The following FEZ1 variants were observed in gnomAD, a reference collection of about 807,000 sequenced individuals.
FEZ1 encodes fasciculation and elongation protein zeta 1.
A neutral mutation model predicts 49.3 loss-of-function variants in FEZ1; 20 were observed. The observed-to-expected ratio is 0.41, with a 90% CI of 0.29 to 0.59. The LOEUF is 0.59. Among genes scored for constraint, FEZ1 ranks in the 20% least tolerant of loss-of-function variants. The pLI, the probability that FEZ1 is intolerant of heterozygous loss-of-function variation, is 0.36. For synonymous variants in FEZ1, 170 were observed against 180.9 expected (o/e 0.94, Z 0.48); for missense variants, 413 against 476.0 (o/e 0.87, Z 1.23).
intron 3 of FEZ1, among the ~76,000 whole-genome samples, chr11:125,465,661 G>C (rs1045936695): frequency 2.0e-5 from 3 of 152,186 alleles, no homozygotes; most frequent in African/African-American, 7.2e-5. Flanking sequence ...TAAAAGGAGA[G>C]GCAGACATAA....
chr11:125,486,738 C>A (rs557763563), intron 2 of FEZ1, among the ~76,000 whole-genome samples: 1 of 152,296 alleles, frequency 6.6e-6, no homozygotes, highest in African/African-American at 2.4e-5. Flanking sequence ...AAATACTAAA[C>A]CGGAACAAGT....
chr11:125,484,507 T>G (rs1156469705), intron 2 of FEZ1, among the ~76,000 whole-genome samples: 4 of 152,068 alleles, frequency 2.6e-5, no homozygotes, highest in Admixed American at 2.6e-4. Context: ...AGAAACTGGC[T>G]CTGCGTGAAA....
At chr11:125,490,968 G>C (rs11220090) in intron 1 of FEZ1, among the ~76,000 whole-genome samples, 1,826 of 152,186 alleles carry the variant, frequency 0.012, 34 homozygotes, top group African/African-American at 0.032. Flanking sequence ...TGGCCAGGCT[G>C]GTCTCGAACT....
intron 1 of FEZ1, among the ~76,000 whole-genome samples, chr11:125,491,403 G>A (rs1408937138): frequency 6.6e-6 from 1 of 152,150 alleles, no homozygotes; most frequent in Non-Finnish European, 1.5e-5. Flanking sequence ...AATATACACT[G>A]CCTACCCTGT....
At chr11:125,454,305 G>A (rs1256514789) in intron 6 of FEZ1, 95 bp from the exon 7 acceptor site, 53 of 848,504 alleles carry the variant, frequency 6.2e-5, no homozygotes, top group Non-Finnish European at 9.6e-5. Context: ...CCCAGATAAC[G>A]CCCCAGGGTT....
At chr11:125,488,785 A>G (rs888399875) in intron 2 of FEZ1, 2 of 985,280 alleles carry the variant, frequency 2.0e-6, no homozygotes, top group African/African-American at 3.5e-5. Flanking sequence ...TAATTTGTGT[A>G]ACATATCACC....
chr11:125,469,699 G>A (rs919497772), intron 3 of FEZ1, among the ~76,000 whole-genome samples: 2 of 151,440 alleles, frequency 1.3e-5, no homozygotes, highest in Admixed American at 1.3e-4. Flanking sequence ...AAGTAGCTGG[G>A]ACTACAGGTG....
intron 3 of FEZ1, among the ~76,000 whole-genome samples, chr11:125,475,532 A>G (rs1957223296): frequency 6.6e-6 from 1 of 152,132 alleles, no homozygotes; most frequent in South Asian, 2.1e-4. Flanking sequence ...GAGTTAAATG[A>G]TGAGAACAAA....
At chr11:125,473,891 T>C (rs1245106420) in intron 3 of FEZ1, among the ~76,000 whole-genome samples, 2 of 150,422 alleles carry the variant, frequency 1.3e-5, no homozygotes, top group Admixed American at 1.3e-4. Flanking sequence ...GCTAAAATTA[T>C]AAAACTTCTA....
intron 3 of FEZ1, among the ~76,000 whole-genome samples, chr11:125,478,346 G>A (rs1334779264): frequency 1.3e-5 from 2 of 152,180 alleles, no homozygotes; most frequent in African/African-American, 2.4e-5. Flanking sequence ...GGAAACTGAG[G>A]CAGGAGAATT....
chr11:125,456,137 C>A (rs372928512), intron 5 of FEZ1, 31 bp from the exon 6 acceptor site: 3 of 1,543,194 alleles, frequency 1.9e-6, no homozygotes, highest in Non-Finnish European at 2.6e-6. Flanking sequence ...CCGCATAACA[C>A]CTGCATCCAC....
At chr11:125,493,172 C>CAA (rs576444823) in intron 1 of FEZ1, among the ~76,000 whole-genome samples, 6 of 134,922 alleles carry the variant, frequency 4.4e-5, no homozygotes, top group African/African-American at 1.4e-4. Context: ...ACTAAAAATA[C>CAA]AAAAAAAAAA....
In FEZ1 at chr11:125,460,487, A is replaced by G. The variant is rs1957063331; in HGVS notation, c.667+11T>C. The G allele has an allele frequency of 6.2e-7, 1 of 1,611,876 alleles. No homozygotes were observed. The highest frequency in any genetic ancestry group is 1.1e-5 in the South Asian group (1 of 90,876). On this transcript the variant is annotated intron_variant, in intron 5 of 9. Coordinates refer to ENST00000278919, the MANE Select transcript of FEZ1 (RefSeq NM_005103.5). ...TTCCTCCTCGGCCAGCCCAGCGCCC[A>G]GGGCCCTCACCTTCATAGGACCAGT...
intron 5 of FEZ1, among the ~76,000 whole-genome samples, chr11:125,459,328 A>C (rs1199761607): frequency 6.6e-6 from 1 of 152,186 alleles, no homozygotes; most frequent in African/African-American, 2.4e-5. Flanking sequence ...ATGGTGGCTC[A>C]CACCTGTAAT....
chr11:125,493,397 A>G (rs973620416), intron 1 of FEZ1, among the ~76,000 whole-genome samples: 3 of 65,752 alleles, frequency 4.6e-5, no homozygotes, highest in African/African-American at 7.9e-5. Flanking sequence ...AAAGAAAGAA[A>G]GAAAGAAAGA....
intron 1 of FEZ1, among the ~76,000 whole-genome samples, chr11:125,490,905 C>G (rs887579573): frequency 6.6e-6 from 1 of 152,020 alleles, no homozygotes; most frequent in Non-Finnish European, 1.5e-5. Flanking sequence ...CTGCGTGTGC[C>G]ACCACACCCA....
intron 2 of FEZ1, among the ~76,000 whole-genome samples, chr11:125,483,714 A>C (rs1957304146): frequency 6.6e-6 from 1 of 152,226 alleles, no homozygotes; most frequent in Non-Finnish European, 1.5e-5. Flanking sequence ...TTGTCCCTGC[A>C]GGAAGTGCCC....
intron 3 of FEZ1, among the ~76,000 whole-genome samples, chr11:125,465,878 C>T (rs144189588): frequency 6.6e-6 from 1 of 152,258 alleles, no homozygotes; most frequent in African/African-American, 2.4e-5. Context: ...CAACAGCATC[C>T]ATCACTTCAC....
rs1957279624 is a variant in FEZ1, at chr11:125,481,569, T to C, written c.376A>G (p.Ile126Val). 9 of 1,613,286 alleles carry C rather than the reference T, an allele frequency of 5.6e-6. No individual in the cohort carries two copies. Among genetic ancestry groups the C allele is most frequent in the Non-Finnish European group, 7.6e-6 (9 of 1,179,502 alleles). Residue 126 changes from isoleucine (I) to valine (V), a missense_variant, in exon 3 of 10, where the codon ATC becomes GTC. Physicochemically the swap from Ile to Val is conservative, Grantham distance 29 (BLOSUM62 3). Coordinates refer to ENST00000278919, the MANE Select transcript of FEZ1 (RefSeq NM_005103.5). ...SLSEDWRDPN[I>V]EALNGNCSDT... ...GAGCAGTTGCCATTCAGAGCCTCGA[T>C]GTTTGGATCCCTCCAGTCTTCTGAG...
Sources: gnomAD v4.1 joint callset for allele counts (sites outside exome capture counted in the v4.1 genomes callset) on GRCh38, gnomAD v4.1.1 for gene constraint, MANE v1.5 for transcripts, NCBI Gene and HGNC (gene_info 2026-07-23, HGNC 2026-07-21) for gene names.